CATSPERE: variants seen among roughly 807,000 people sequenced by gnomAD.
CATSPERE encodes the protein catsper channel auxiliary subunit epsilon.
CATSPERE carries 93 observed loss-of-function variants against 114.1 expected under a neutral mutation model. The ratio of observed to expected loss-of-function variants is 0.81; its 90% CI spans 0.69 to 0.97. The LOEUF is 0.97. CATSPERE is among the 50% of genes least tolerant of loss of function. The probability of loss-of-function intolerance (pLI) is 0.00; values close to 1 mark genes in which losing one functional copy is unlikely to be tolerated. For synonymous variants in CATSPERE, 341 were observed against 384.1 expected (o/e 0.89, Z 1.31); for missense variants, 1,058 against 1,131.6 (o/e 0.93, Z 0.93).
chr1:244,517,871 C>T (rs1676903155), intron 7 of CATSPERE, among the ~76,000 whole-genome samples: 1 of 150,696 alleles, frequency 6.6e-6, no homozygotes. Flanking sequence ...CAGATAACCC[C>T]ATAACCCCCC....
chr1:244,598,693 A>G, intron 17 of CATSPERE: 1 of 218,744 alleles, frequency 4.6e-6, no homozygotes, highest in Non-Finnish European at 1.0e-5. Context: ...CCCATATTTA[A>G]TTCTCTCTTT....
intron 1 of CATSPERE, among the ~76,000 whole-genome samples, chr1:244,454,769 G>T (rs1056811103): frequency 1.3e-5 from 2 of 152,118 alleles, no homozygotes; most frequent in African/African-American, 4.8e-5. Flanking sequence ...TTTGTGCTAA[G>T]AATTTGTCTT....
At chr1:244,514,964 T>C (rs906439498) in intron 7 of CATSPERE, among the ~76,000 whole-genome samples, 9 of 152,130 alleles carry the variant, frequency 5.9e-5, no homozygotes, top group African/African-American at 2.2e-4. Flanking sequence ...ACTATTCCCA[T>C]TGGGAAAAAG....
intron 8 of CATSPERE, among the ~76,000 whole-genome samples, chr1:244,544,503 G>T (rs1659410443): frequency 6.6e-6 from 1 of 152,172 alleles, no homozygotes; most frequent in African/African-American, 2.4e-5. Flanking sequence ...CTTAGCAGCT[G>T]ACAGAATCCC....
Position 244,509,310 on chromosome 1 carries a change from C to T in CATSPERE, c.430-9282C>T, listed in dbSNP as rs1478485189. 3.9e-5 allele frequency among the ~76,000 whole-genome samples: 6 copies of T among 151,954 alleles called. No homozygotes were observed. The East Asian group carries it at 5.8e-4, about 15-fold the overall frequency. On this transcript the variant is annotated intron_variant, in intron 7 of 21. Transcript: ENST00000366534. ...AAGAGATGTTGAATCTTATCAAATG[C>T]TTATTCTGCATCTGTTAAGACAATC...
At chr1:244,599,445 A>C (rs1668878421) in intron 17 of CATSPERE, among the ~76,000 whole-genome samples, 1 of 152,008 alleles carries the variant, frequency 6.6e-6, no homozygotes, top group Non-Finnish European at 1.5e-5. Flanking sequence ...CCTACATCAA[A>C]TCCATTAACA....
intron 15 of CATSPERE, among the ~76,000 whole-genome samples, chr1:244,592,903 A>T (rs76323907): frequency 1.3e-5 from 2 of 152,180 alleles, no homozygotes; most frequent in Admixed American, 1.3e-4. Context: ...AAGACAGGGA[A>T]TGTGGGGGAG....
chr1:244,604,574 CAGA>C (rs1367308782), intron 17 of CATSPERE, among the ~76,000 whole-genome samples: 1 of 152,118 alleles, frequency 6.6e-6, no homozygotes, highest in South Asian at 2.1e-4. Flanking sequence ...GAAGCTCTAC[CAGA>C]AGGAGAAGGT....
intron 21 of CATSPERE, among the ~76,000 whole-genome samples, chr1:244,636,172 C>T (rs917404451): frequency 2.0e-5 from 3 of 152,168 alleles, no homozygotes; most frequent in African/African-American, 7.2e-5. Flanking sequence ...TTTCCCTGGA[C>T]TCAGCTCCAG....
At chr1:244,585,037 C>T (rs61842367) in intron 13 of CATSPERE, among the ~76,000 whole-genome samples, 15,936 of 152,088 alleles carry the variant, frequency 0.1, 914 homozygotes, top group South Asian at 0.15. Flanking sequence ...CCCGAAGCAC[C>T]GTGGTTTCCT....
intron 20 of CATSPERE, among the ~76,000 whole-genome samples, chr1:244,629,862 A>G (rs1435718884): frequency 1.3e-5 from 2 of 150,710 alleles, no homozygotes; most frequent in African/African-American, 4.9e-5. Context: ...CTGGTCTCAA[A>G]CTCCTGACCT....
chr1:244,505,962 C>T (rs2148305595), intron 7 of CATSPERE, among the ~76,000 whole-genome samples: 1 of 152,162 alleles, frequency 6.6e-6, no homozygotes, highest in East Asian at 1.9e-4. Flanking sequence ...ACCGAGATCA[C>T]GCCGCTGCAC....
At chr1:244,589,746 C>CT (rs1369419003) in intron 14 of CATSPERE, among the ~76,000 whole-genome samples, 6 of 152,176 alleles carry the variant, frequency 3.9e-5, no homozygotes, top group African/African-American at 1.4e-4. Flanking sequence ...CGATTTCCTT[C>CT]TAAAGTGAGA....
At chr1:244,518,979 C>T (rs3006050) in intron 8 of CATSPERE, among the ~76,000 whole-genome samples, 19,481 of 151,912 alleles carry the variant, frequency 0.13, 2,147 homozygotes, top group African/African-American at 0.3. Context: ...GTCCTGCTGG[C>T]TTATAAAAGT....
intron 10 of CATSPERE, among the ~76,000 whole-genome samples, chr1:244,561,771 G>C (rs1180723968): frequency 6.6e-6 from 1 of 152,056 alleles, no homozygotes; most frequent in Non-Finnish European, 1.5e-5. Context: ...AATATAACAC[G>C]CTCAAACAAT....
intron 10 of CATSPERE, among the ~76,000 whole-genome samples, chr1:244,569,658 T>C (rs1239363556): frequency 6.6e-6 from 1 of 152,230 alleles, no homozygotes; most frequent in East Asian, 1.9e-4. Flanking sequence ...ATTATTCTTA[T>C]AATTCTGATT....
rs761418878 is a variant in CATSPERE at position 244,561,102 on chromosome 1, A to G, written c.1464A>G (p.Leu488=). The change falls in exon 10 of 22, where the codon CTA becomes CTG. Residue 488 remains leucine, a synonymous_variant. Coordinates refer to ENST00000366534, the MANE Select transcript of CATSPERE (RefSeq NM_001130957.2). ...ILQTPAGHGN[L]SMLSNDSIIH... is the part of the protein sequence containing the mutation. ...AGACACCTGCAGGACATGGAAATCT[A>G]TCAATGCTATCAAATGACAGCATTA... 6.8e-6 allele frequency: 11 copies of G among 1,608,754 alleles called. No homozygotes were observed. The East Asian group carries it at 2.2e-4, about 33-fold the overall frequency.
At chr1:244,623,391 A>G (rs1464094992) in intron 20 of CATSPERE, among the ~76,000 whole-genome samples, 1 of 152,202 alleles carries the variant, frequency 6.6e-6, no homozygotes, top group Non-Finnish European at 1.5e-5. Context: ...CTTTTGCTTT[A>G]AAGTGAGTTC....
At chr1:244,467,990 A>G (rs1279316255) in intron 2 of CATSPERE, among the ~76,000 whole-genome samples, 1 of 151,702 alleles carries the variant, frequency 6.6e-6, no homozygotes, top group African/African-American at 2.4e-5. Context: ...TACCATTTCA[A>G]TATCTATTTT....
Sources: gnomAD v4.1 joint callset for allele counts (sites outside exome capture counted in the v4.1 genomes callset) on GRCh38, gnomAD v4.1.1 for gene constraint, MANE v1.5 for transcripts, NCBI Gene and HGNC (gene_info 2026-07-23, HGNC 2026-07-21) for gene names.